The following STAG1 variants were observed in gnomAD, a reference collection of about 807,000 sequenced individuals.
STAG1 encodes cohesin subunit SA-1.
In STAG1, 26 loss-of-function variants were observed where a neutral mutation model predicts 170.9. The observed-to-expected ratio is 0.15, with a 90% CI of 0.11 to 0.21. The LOEUF (loss-of-function observed/expected upper bound fraction) is 0.21. STAG1 is among the 10% of genes least tolerant of loss of function. The pLI is 1.00. For synonymous variants in STAG1, 514 were observed against 497.7 expected (o/e 1.03, Z -0.44); for missense variants, 964 against 1,509.5 (o/e 0.64, Z 5.99).
chr3:136,526,746 A>G (rs1935052868), intron 6 of STAG1, among the ~76,000 whole-genome samples: 1 of 151,964 alleles, frequency 6.6e-6, no homozygotes, highest in Non-Finnish European at 1.5e-5. Context: ...GTTCCTTTCC[A>G]TGTTTAGTGC....
intron 1 of STAG1, 109 bp downstream of exon 1, chr3:136,752,086 G>T (rs906643017): frequency 3.3e-5 from 5 of 152,888 alleles, no homozygotes; most frequent in African/African-American, 9.7e-5. Context: ...GCGCTCTCTC[G>T]CTCTCGCCCG....
At chr3:136,477,718 TA>T (rs1388074136) in intron 9 of STAG1, among the ~76,000 whole-genome samples, 5 of 152,168 alleles carry the variant, frequency 3.3e-5, no homozygotes. Flanking sequence ...AGAAACATGT[TA>T]AACTTTCTAA....
At chr3:136,371,853 C>T (rs1035525226) in intron 23 of STAG1, among the ~76,000 whole-genome samples, 4 of 152,002 alleles carry the variant, frequency 2.6e-5, no homozygotes, top group African/African-American at 9.7e-5. Flanking sequence ...TTTTTTGGTT[C>T]CATGTGAACT....
chr3:136,571,187 G>A (rs1303251202), intron 4 of STAG1, among the ~76,000 whole-genome samples: 2 of 152,160 alleles, frequency 1.3e-5, no homozygotes, highest in Non-Finnish European at 1.5e-5. Context: ...AATTCCCAAA[G>A]TGATTGTACC....
At chr3:136,520,562 T>C (rs1283118071) in intron 7 of STAG1, among the ~76,000 whole-genome samples, 1 of 151,952 alleles carries the variant, frequency 6.6e-6, no homozygotes, top group African/African-American at 2.4e-5. Context: ...ATTGCTAAAA[T>C]AAGAAAATTA....
At chr3:136,429,178 G>A (rs1300019456) in intron 16 of STAG1, among the ~76,000 whole-genome samples, 1 of 151,988 alleles carries the variant, frequency 6.6e-6, no homozygotes. Context: ...AGGCCGAAAC[G>A]GGTGGATGAC....
At chr3:136,532,922 A>G (rs948689704) in intron 6 of STAG1, among the ~76,000 whole-genome samples, 5 of 152,194 alleles carry the variant, frequency 3.3e-5, no homozygotes, top group Admixed American at 6.5e-5. Flanking sequence ...AGACAGACCA[A>G]TCAGGTAAGA....
chr3:136,697,506 T>A (rs866476547), intron 1 of STAG1, among the ~76,000 whole-genome samples: 1 of 151,970 alleles, frequency 6.6e-6, no homozygotes, highest in Non-Finnish European at 1.5e-5. Flanking sequence ...GCCACCAGCA[T>A]TTTTTTTAAC....
chr3:136,684,838 T>C (rs1942458418), intron 1 of STAG1, among the ~76,000 whole-genome samples: 1 of 146,998 alleles, frequency 6.8e-6, no homozygotes, highest in African/African-American at 2.5e-5. Context: ...AAAACATCAG[T>C]CTAGACACAG....
rs149415388 is a variant in STAG1 at position 136,540,041 on chromosome 3, T to C, written c.471+2078A>G. On this transcript the variant is annotated intron_variant, in intron 6 of 33. Transcript: ENST00000383202. ...CTTGTCATCAGATCTTTTAGAATAT[T>C]ATAAAATACAATTTAATAAAGCTAA... 1.1e-3 allele frequency among the ~76,000 whole-genome samples: 160 copies of C among 152,230 alleles called. 1 individual carries two copies. The highest frequency in any genetic ancestry group is 3.7e-3 in the African/African-American group (155 of 41,572).
chr3:136,565,457 A>T (rs934374564), intron 5 of STAG1, among the ~76,000 whole-genome samples: 9 of 152,366 alleles, frequency 5.9e-5, no homozygotes, highest in Admixed American at 3.3e-4. Flanking sequence ...AAGTGCACAC[A>T]AATTAAAACC....
At chr3:136,653,013 G>A (rs1043462782) in intron 1 of STAG1, among the ~76,000 whole-genome samples, 8 of 152,114 alleles carry the variant, frequency 5.3e-5, no homozygotes, top group Admixed American at 2.0e-4. Context: ...AGTGGTTCAC[G>A]CCTGTAATCC....
chr3:136,452,907 A>C (rs2088987332), intron 13 of STAG1, among the ~76,000 whole-genome samples: 1 of 152,078 alleles, frequency 6.6e-6, no homozygotes, highest in South Asian at 2.1e-4. Flanking sequence ...CTCCTGCCTC[A>C]GCCTTCCAAG....
intron 1 of STAG1, among the ~76,000 whole-genome samples, chr3:136,684,776 CAAAAA>C (rs772542086): frequency 1.6e-5 from 1 of 63,540 alleles, no homozygotes; most frequent in Non-Finnish European, 3.3e-5. Context: ...ACCCTGTCTC[CAAAAA>C]AAAAAAAAAA....
intron 1 of STAG1, among the ~76,000 whole-genome samples, chr3:136,728,256 G>A (rs1485649719): frequency 6.6e-6 from 1 of 151,960 alleles, no homozygotes; most frequent in Admixed American, 6.6e-5. Context: ...GTAACAAAGG[G>A]GAAATAAACT....
chr3:136,733,084 C>CTTTT (rs55935142), intron 1 of STAG1, among the ~76,000 whole-genome samples: 5 of 128,302 alleles, frequency 3.9e-5, no homozygotes, highest in African/African-American at 1.4e-4. Context: ...TAAAACCTAA[C>CTTTT]TTTTTTTTTT....
In STAG1 at chr3:136,498,249, TAC is replaced by T. The variant is rs71157389; in HGVS notation, c.902+1972_902+1973del. Among the ~76,000 whole-genome samples the T allele has an allele frequency of 2.8e-3, 207 of 73,656 alleles. 13 individuals carry two copies. The highest frequency in any genetic ancestry group is 0.01 in the East Asian group (18 of 1,800). The allele number at this position is 73,656 out of a possible 152,430, so 48.3% of individuals were successfully genotyped here. A position where few individuals can be genotyped will look rare whatever the true frequency, so the allele number is the denominator to read the frequency against. On this transcript the variant is annotated intron_variant, in intron 9 of 33. Coordinates refer to ENST00000383202, the MANE Select transcript of STAG1 (RefSeq NM_005862.3). ...ATATATATATACACATACATATACA[TAC>T]ACACACACACACACACACACACCAC...
rs1553746573 is a variant in STAG1, at chr3:136,565,011, A to AAGGCAGGC, written c.394+3746_394+3753dup. Among the ~76,000 whole-genome samples the AAGGCAGGC allele has an allele frequency of 2.0e-4, 9 of 45,440 alleles. 1 individual carries two copies. Among genetic ancestry groups the AAGGCAGGC allele is most frequent in the Non-Finnish European group, 3.6e-4 (8 of 22,382 alleles). 29.8% of individuals were successfully genotyped at this position (45,440 alleles called of 152,430 possible). On this transcript the variant is annotated intron_variant, in intron 5 of 33. Coordinates refer to ENST00000383202, the MANE Select transcript of STAG1 (RefSeq NM_005862.3). ...GAAGGAAGGAAGGAAGGAAGGAAGG[A>AAGGCAGGC]AGGCAGGCAGGCAGGCAGGCAGGCA...
intron 4 of STAG1, 44 bp from the exon 5 acceptor site, chr3:136,568,905 A>T (rs1268896546): frequency 7.9e-6 from 11 of 1,392,624 alleles, no homozygotes; most frequent in Non-Finnish European, 1.1e-5. Context: ...AAAAAATTTG[A>T]TATTATAGCA....
Sources: allele counts gnomAD v4.1 joint callset (sites outside exome capture counted in the v4.1 genomes callset), GRCh38; gene constraint gnomAD v4.1.1; transcripts MANE v1.5; gene names NCBI Gene and HGNC (gene_info 2026-07-23, HGNC 2026-07-21).